The following RBBP8NL variants were observed in gnomAD, a reference collection of about 807,000 sequenced individuals.
RBBP8NL encodes the protein RBBP8 N-terminal-like protein.
A neutral mutation model predicts 62.2 loss-of-function variants in RBBP8NL; 59 were observed. The observed-to-expected ratio is 0.95, with a 90% confidence interval of 0.77 to 1.18. RBBP8NL has a LOEUF of 1.18. Among genes scored for constraint, RBBP8NL ranks in the 50% most tolerant of loss-of-function variants. The pLI is 0.00. For missense variants in RBBP8NL, 896 were observed against 899.5 expected (o/e 1.00, Z 0.05); for synonymous variants, 412 against 394.1 (o/e 1.05, Z -0.54).
At chr20:62,413,169 G>A (rs999956028) in intron 11 of RBBP8NL, among the ~76,000 whole-genome samples, 2 of 152,268 alleles carry the variant, frequency 1.3e-5, no homozygotes, top group East Asian at 1.9e-4. Context: ...AATTGCTAAG[G>A]TGCTTTTCCC....
intron 1 of RBBP8NL, among the ~76,000 whole-genome samples, chr20:62,425,535 C>T (rs975724790): frequency 6.6e-5 from 10 of 152,368 alleles, no homozygotes; most frequent in African/African-American, 2.4e-4. Context: ...CATTGTCCGG[C>T]CGAGTGCCAA....
chr20:62,425,667 C>T (rs1230894675), intron 1 of RBBP8NL, among the ~76,000 whole-genome samples: 1 of 152,268 alleles, frequency 6.6e-6, no homozygotes, highest in Admixed American at 6.5e-5. Flanking sequence ...CGAGGGCACT[C>T]AACCAGAGAA....
chr20:62,424,608 G>T (rs989461810), intron 1 of RBBP8NL, among the ~76,000 whole-genome samples: 1 of 152,156 alleles, frequency 6.6e-6, no homozygotes. Context: ...CTTATCCCCC[G>T]GACAGGGCCC....
chr20:62,422,284 G>C (rs1988717407), intron 1 of RBBP8NL, among the ~76,000 whole-genome samples: 1 of 152,074 alleles, frequency 6.6e-6, no homozygotes, highest in Non-Finnish European at 1.5e-5. Flanking sequence ...TCATTCTACA[G>C]AACCGTCCCG....
intron 1 of RBBP8NL, among the ~76,000 whole-genome samples, chr20:62,422,752 CATT>C (rs1988735523): frequency 6.6e-6 from 1 of 151,754 alleles, no homozygotes; most frequent in African/African-American, 2.4e-5. Flanking sequence ...TGTGATCAAG[CATT>C]AGTGCCGAGC....
At chr20:62,412,334 C>A (rs6089365) in intron 13 of RBBP8NL, among the ~76,000 whole-genome samples, 70,910 of 152,056 alleles carry the variant, frequency 0.47, 17,170 homozygotes, top group East Asian at 0.56. Flanking sequence ...TCACCGAAAT[C>A]TCCTACGATC....
rs553176905 is a variant in RBBP8NL at position 62,425,513 on chromosome 20, G to A, written c.-84+1947C>T. Among the ~76,000 whole-genome samples the A allele has an allele frequency of 7.3e-3, 1,107 of 152,364 alleles. 20 individuals carry two copies. Among genetic ancestry groups the A allele is most frequent in the African/African-American group, 0.025 (1,057 of 41,586 alleles). ...GAATCACAGGCCCAGCTGTGGCCCT[G>A]GCAGGACTGGACATTGTCCGGCCGA... On this transcript the variant is annotated intron_variant, in intron 1 of 13. Coordinates refer to ENST00000252998, the MANE Select transcript of RBBP8NL (RefSeq NM_080833.3).
chr20:62,411,958 A>G (rs1407323283), intron 13 of RBBP8NL, among the ~76,000 whole-genome samples: 16 of 152,202 alleles, frequency 1.1e-4, no homozygotes, highest in Admixed American at 1.0e-3. Flanking sequence ...AGGGCCATAC[A>G]ATTAGGTGTT....
chr20:62,412,987 T>A, intron 11 of RBBP8NL, 87 bp from the exon 12 acceptor site: 1 of 1,454,424 alleles, frequency 6.9e-7, no homozygotes, highest in Non-Finnish European at 9.5e-7. Flanking sequence ...TGGAGCCAAC[T>A]CTGCAGATGG....
At position 62,415,590 on chromosome 20, in the gene RBBP8NL, T is replaced by C; in HGVS notation, c.615A>G (p.Arg205=). The part of the protein sequence containing the change: ...ISPGATLPES[R]APDMSPQRIS... ...TCCCTGCCCTTACCATGTCTGGGGC[T>C]CGCGACTCAGGCAGGGTGGCCCCTG... The change falls in exon 8 of 14, where the codon CGA becomes CGG. Residue 205 remains arginine, a synonymous_variant. Transcript: ENST00000252998. 1 of 1,612,822 alleles carries C rather than the reference T, an allele frequency of 6.2e-7. No homozygotes were observed. The highest frequency in any genetic ancestry group is 1.3e-5 in the African/African-American group (1 of 75,038).
At chr20:62,418,100 C>A (rs1391016266) in intron 3 of RBBP8NL, among the ~76,000 whole-genome samples, 2 of 152,250 alleles carry the variant, frequency 1.3e-5, no homozygotes, top group Non-Finnish European at 2.9e-5. Context: ...GGGAGCCTGC[C>A]CGCCCGCCAG....
At position 62,426,786 on chromosome 20, in the gene RBBP8NL, C is replaced by T. The variant is rs537121042; in HGVS notation, c.-84+674G>A. Reference sequence around the variant, plus strand: ...TGCACATGCACTCGTGTACCCCACACGCGCGTGCGCCCGTGCACTCGTGTG... The same window carrying T: ...TGCACATGCACTCGTGTACCCCACATGCGCGTGCGCCCGTGCACTCGTGTG... On this transcript the variant is annotated intron_variant, in intron 1 of 13. Transcript: ENST00000252998. Among the ~76,000 whole-genome samples, 112 of 152,370 alleles carry T rather than the reference C, an allele frequency of 7.4e-4. 4 individuals are homozygous for T. The South Asian group carries it at 0.021, about 28-fold the overall frequency.
intron 3 of RBBP8NL, 150 bp downstream of exon 3, chr20:62,418,273 T>C (rs1988625263): frequency 4.9e-6 from 4 of 814,580 alleles, no homozygotes; most frequent in Non-Finnish European, 8.2e-6. Flanking sequence ...CCGTGTGACC[T>C]TGGACAAGTG....
In RBBP8NL at chr20:62,415,320, G is replaced by GCGTGGGT. The variant is rs1569024483; in HGVS notation, c.628-34_628-33insACCCACG. On this transcript the variant is annotated intron_variant, in intron 8 of 13. Transcript: ENST00000252998. ...GATGGGTGGGTCAGCCTGGGCGGGG[G>GCGTGGGT]CATGCGTGGCCTCTGCTGTGGCCTC... 4 of 1,544,748 alleles carry GCGTGGGT rather than the reference G, an allele frequency of 2.6e-6. No homozygotes were observed. In the Admixed American group the frequency reaches 7.6e-5, roughly 29 times the overall value.
At chr20:62,426,120 A>AGCAGTG (rs531461541) in intron 1 of RBBP8NL, among the ~76,000 whole-genome samples, 1 of 151,800 alleles carries the variant, frequency 6.6e-6, no homozygotes, top group African/African-American at 2.4e-5. Flanking sequence ...CAGTGGCATT[A>AGCAGTG]GCAGTGGCAG....
intron 1 of RBBP8NL, among the ~76,000 whole-genome samples, chr20:62,423,357 G>A (rs528416476): frequency 2.0e-5 from 3 of 152,192 alleles, no homozygotes; most frequent in South Asian, 2.1e-4. Flanking sequence ...GGACTGGGGC[G>A]TCCTCCCCAT....
Position 62,412,157 on chromosome 20 carries a change from C to T in RBBP8NL, c.1876+467G>A, listed in dbSNP as rs148192702. On this transcript the variant is annotated intron_variant, in intron 13 of 13. Transcript: ENST00000252998. ...GTCCGCAATTCCCCAGGGGAGCAAA[C>T]GTGCCCCCATGCCCCTCGGGGCTGT... Among the ~76,000 whole-genome samples, 529 of 152,344 alleles carry T rather than the reference C, an allele frequency of 3.5e-3. 4 individuals are homozygous for T. The highest frequency in any genetic ancestry group is 0.012 in the South Asian group (60 of 4,832).
Position 62,416,205 on chromosome 20 carries a change from G to C in RBBP8NL, c.345C>G (p.Asn115Lys), listed in dbSNP as rs114526073. 4,561 of 1,577,228 alleles carry C rather than the reference G, an allele frequency of 2.9e-3. 98 individuals carry two copies. The African/African-American group carries it at 0.053, about 18-fold the overall frequency. Reference sequence around the variant, plus strand: ...GCTTCACCTCCTCCTTCAAGGTCTCGTTCTCTTCCTTCAGCCCGTTCATCT... The same window carrying C: ...GCTTCACCTCCTCCTTCAAGGTCTCCTTCTCTTCCTTCAGCCCGTTCATCT... The part of the protein sequence containing the change: ...TNEMNGLKEE[N>K]ETLKEEVKRL... The change falls in exon 6 of 14, where the codon AAC (asparagine) becomes AAG (lysine). Residue 115 changes from asparagine (N) to lysine (K), a missense_variant. Coordinates refer to ENST00000252998, the MANE Select transcript of RBBP8NL (RefSeq NM_080833.3).
chr20:62,419,613 T>A lies in RBBP8NL; in HGVS notation c.35A>T (p.Lys12Met), dbSNP rs755672987. The part of the protein sequence containing the change: ...ESFMESLNRL[K>M]EIHEKEVLGL... The stretch of plus-strand genomic sequence containing the variant: ...CAGGACTTCCTTCTCGTGGATCTCC[T>A]TCAGCCTGTTCAGCGACTCCATGAA... Residue 12 changes from lysine to methionine, a missense_variant, in exon 2 of 14, where the codon AAG becomes ATG. Transcript: ENST00000252998. 1.9e-6 allele frequency: 3 copies of A among 1,613,536 alleles called. No homozygotes were observed. Among genetic ancestry groups the A allele is most frequent in the Non-Finnish European group, 2.5e-6 (3 of 1,179,912 alleles).
Sources: gnomAD v4.1 joint callset for allele counts (sites outside exome capture counted in the v4.1 genomes callset) on GRCh38, gnomAD v4.1.1 for gene constraint, MANE v1.5 for transcripts, NCBI Gene and HGNC (gene_info 2026-07-23, HGNC 2026-07-21) for gene names.